Variants in SP4 observed in about 807,000 individuals in gnomAD.
The protein encoded by SP4 is Sp4 transcription factor.
SP4 carries 19 observed loss-of-function variants against 72.8 expected under a neutral mutation model. The ratio of observed to expected loss-of-function variants is 0.26; its 90% CI spans 0.18 to 0.38. SP4 has a LOEUF of 0.38. SP4 is among the 10% of genes least tolerant of loss of function. The pLI is 1.00. For synonymous variants in SP4, 395 were observed against 333.1 expected, an observed-to-expected ratio of 1.19 and a Z score of -2.02; for missense variants, 1,008 against 926.3, an observed-to-expected ratio of 1.09 and a Z score of -1.14.
At chr7:21,510,333 C>T (rs998229774) in intron 5 of SP4, among the ~76,000 whole-genome samples, 5 of 152,150 alleles carry the variant, frequency 3.3e-5, no homozygotes, top group Admixed American at 2.6e-4. Flanking sequence ...ATTTATTATA[C>T]ACAAAAACAA....
intron 5 of SP4, among the ~76,000 whole-genome samples, chr7:21,495,834 T>C (rs1016155169): frequency 6.6e-6 from 1 of 152,156 alleles, no homozygotes; most frequent in Non-Finnish European, 1.5e-5. Context: ...ATTTATTTAT[T>C]ACTCAAAATT....
intron 3 of SP4, among the ~76,000 whole-genome samples, chr7:21,438,434 TAAGC>T (rs1562586673): frequency 2.0e-5 from 3 of 152,200 alleles, no homozygotes; most frequent in African/African-American, 7.2e-5. Flanking sequence ...TGAATTCTAT[TAAGC>T]AATAAATGTA....
intron 5 of SP4, among the ~76,000 whole-genome samples, chr7:21,490,810 G>A (rs1033955056): frequency 6.6e-6 from 1 of 152,220 alleles, no homozygotes; most frequent in African/African-American, 2.4e-5. Flanking sequence ...TTCCCAGCAT[G>A]TGCTGAGCAG....
At chr7:21,493,516 A>C (rs1031626221) in intron 5 of SP4, among the ~76,000 whole-genome samples, 2 of 152,136 alleles carry the variant, frequency 1.3e-5, no homozygotes, top group Admixed American at 6.5e-5. Context: ...AATTCAAAAT[A>C]AGAAGTTGGG....
At chr7:21,436,916 A>G (rs1265178810) in intron 3 of SP4, among the ~76,000 whole-genome samples, 7 of 152,206 alleles carry the variant, frequency 4.6e-5, no homozygotes, top group African/African-American at 1.2e-4. Flanking sequence ...AGGTTAAATG[A>G]CCCTCTTATA....
chr7:21,508,837 A>G (rs909285648), intron 5 of SP4, among the ~76,000 whole-genome samples: 2 of 146,176 alleles, frequency 1.4e-5, no homozygotes, highest in East Asian at 2.0e-4. Flanking sequence ...TTTTGAGACA[A>G]GGCCGTGCTC....
chr7:21,490,203 G>T (rs1265702387), intron 5 of SP4, among the ~76,000 whole-genome samples: 1 of 152,316 alleles, frequency 6.6e-6, no homozygotes, highest in East Asian at 1.9e-4. Context: ...TATCATATGT[G>T]TTCATTTCAT....
At chr7:21,473,642 G>T (rs1784413471) in intron 3 of SP4, among the ~76,000 whole-genome samples, 1 of 152,180 alleles carries the variant, frequency 6.6e-6, no homozygotes, top group Non-Finnish European at 1.5e-5. Flanking sequence ...GGATGGTCAG[G>T]AATGGCATTT....
chr7:21,454,482 T>G (rs997514946), intron 3 of SP4, among the ~76,000 whole-genome samples: 6 of 152,166 alleles, frequency 3.9e-5, no homozygotes, highest in Non-Finnish European at 8.8e-5. Context: ...CAAGATCCTT[T>G]CTCATATAAA....
chr7:21,440,157 C>G (rs1024083026), intron 3 of SP4, among the ~76,000 whole-genome samples: 1 of 152,094 alleles, frequency 6.6e-6, no homozygotes, highest in Middle Eastern at 3.2e-3. Context: ...TGGGTACTCC[C>G]CGCCCCCACC....
chr7:21,433,055 G>A (rs1001439478), intron 3 of SP4, among the ~76,000 whole-genome samples: 5 of 152,214 alleles, frequency 3.3e-5, no homozygotes, highest in African/African-American at 9.6e-5. Context: ...TGAACCAGAA[G>A]ACAGAATATG....
At chr7:21,462,743 G>A (rs894851707) in intron 3 of SP4, among the ~76,000 whole-genome samples, 2 of 152,146 alleles carry the variant, frequency 1.3e-5, no homozygotes, top group Admixed American at 6.5e-5. Context: ...GTCTTTGGGG[G>A]CCAAAAGCAG....
At chr7:21,461,228 C>A (rs561594702) in intron 3 of SP4, among the ~76,000 whole-genome samples, 1 of 152,132 alleles carries the variant, frequency 6.6e-6, no homozygotes, top group Non-Finnish European at 1.5e-5. Context: ...TCGATGGGAC[C>A]GGGTGCCATG....
chr7:21,444,292 A>T (rs374797463), intron 3 of SP4, among the ~76,000 whole-genome samples: 3 of 152,378 alleles, frequency 2.0e-5, no homozygotes, highest in South Asian at 4.1e-4. Flanking sequence ...GAATGAAACA[A>T]GAAGTAAAAG....
chr7:21,429,801 C>G lies in SP4; in HGVS notation c.636C>G (p.Asn212Lys), dbSNP rs148321534. Residue 212 changes from asparagine to lysine, a missense_variant, in exon 3 of 6, where the codon AAC becomes AAG. By Grantham distance (94) the Asn-to-Lys change is moderately conservative. This residue lies in a region of SP4 where 893 missense variants were observed against 743.3 expected (regional missense o/e 1.20). Coordinates refer to ENST00000222584, the MANE Select transcript of SP4 (RefSeq NM_003112.5). ...ATCAAGCTATACTCACAGCTGCTAA[C>G]AGGACAGCTTCTGGGAATATTCTTG... Reference protein sequence around the residue: ...GNNQAILTAANRTASGNILAQ... With the variant: ...GNNQAILTAAKRTASGNILAQ... 8.7e-6 allele frequency: 14 copies of G among 1,614,080 alleles called. No individual in the cohort carries two copies. Among genetic ancestry groups the G allele is most frequent in the African/African-American group, 1.3e-5 (1 of 74,942 alleles).
chr7:21,466,363 T>C (rs1477499422), intron 3 of SP4, among the ~76,000 whole-genome samples: 1 of 152,196 alleles, frequency 6.6e-6, no homozygotes, highest in Admixed American at 6.5e-5. Context: ...CAGTTTGTTT[T>C]ACTGGAGTTA....
intron 5 of SP4, among the ~76,000 whole-genome samples, chr7:21,503,629 C>A (rs1430828007): frequency 6.6e-6 from 1 of 152,130 alleles, no homozygotes; most frequent in Non-Finnish European, 1.5e-5. Context: ...TTATTTTGAC[C>A]ACATTCCCAG....
At chr7:21,482,222 G>A (rs565632228) in intron 5 of SP4, 99 bp downstream of exon 5, 1 of 868,254 alleles carries the variant, frequency 1.2e-6, no homozygotes, top group Admixed American at 2.3e-5. Context: ...ATATGCAAAT[G>A]AAGGAGAAGG....
chr7:21,468,927 G>A (rs1210563151), intron 3 of SP4, among the ~76,000 whole-genome samples: 1 of 152,060 alleles, frequency 6.6e-6, no homozygotes, highest in Non-Finnish European at 1.5e-5. Context: ...ACTTCTGGTG[G>A]AAATGTAAAT....
Sources: allele counts gnomAD v4.1 joint callset (sites outside exome capture counted in the v4.1 genomes callset), GRCh38; gene constraint gnomAD v4.1.1; regional missense constraint gnomAD v4.1.1; transcripts MANE v1.5; gene names NCBI Gene and HGNC (gene_info 2026-07-23, HGNC 2026-07-21).